Variants in UBE3A observed in about 807,000 individuals in gnomAD.
The protein encoded by UBE3A is ubiquitin-protein ligase E3A.
UBE3A carries 6 observed loss-of-function variants against 83.4 expected under a neutral mutation model. That is an observed-to-expected ratio of 0.07 (90% CI 0.04 to 0.14). The LOEUF (loss-of-function observed/expected upper bound fraction) is 0.14, where lower values mean the gene tolerates loss of function less well. Ranked by LOEUF, UBE3A falls within the 10% of genes least tolerant of loss-of-function variation. The pLI is 1.00. For synonymous variants in UBE3A, 337 were observed against 355.4 expected (o/e 0.95, Z 0.58); for missense variants, 456 against 1,036.1 (o/e 0.44, Z 7.69).
chr15:25,437,163 G>A (rs1895344624), intron 1 of UBE3A, among the ~76,000 whole-genome samples: 1 of 152,144 alleles, frequency 6.6e-6, no homozygotes, highest in South Asian at 2.1e-4. Flanking sequence ...CATTAATAAT[G>A]TATTCATTTC....
At chr15:25,436,086 A>G (rs956665368) in intron 1 of UBE3A, among the ~76,000 whole-genome samples, 3 of 152,196 alleles carry the variant, frequency 2.0e-5, no homozygotes, top group African/African-American at 7.2e-5. Flanking sequence ...GTCTAATTCC[A>G]AAGATATTAC....
chr15:25,337,823 AC>A lies in UBE3A; in HGVS notation c.*1313del, dbSNP rs779638782. The A allele has an allele frequency of 1.3e-5, 2 of 152,296 alleles. No homozygotes were observed. The allele number at this position is 152,296 out of a possible 1,614,324, so 9.4% of individuals were successfully genotyped here. A position where few individuals can be genotyped will look rare whatever the true frequency, so the allele number is the denominator to read the frequency against. The stretch of plus-strand genomic sequence containing the variant: ...TATAATGCAATAAAAGAAATTAACA[AC>A]ATCACATACACAGAAGACTAGGAAA... On this transcript the variant is annotated 3_prime_UTR_variant, in exon 13 of 13. Transcript: ENST00000648336.
Position 25,370,850 on chromosome 15 carries a change from G to A in UBE3A, c.1324C>T (p.Pro442Ser). Reference protein sequence around the residue: ...KTLDCRKPLIPFEEFINEPLN... With the variant: ...KTLDCRKPLISFEEFINEPLN... ...GGTTCATTAATAAACTCTTCAAAAGGGATAAGTGGTTTTCGACAATCCAGG... is the reference window on the plus strand; with the variant it reads ...GGTTCATTAATAAACTCTTCAAAAGAGATAAGTGGTTTTCGACAATCCAGG... The change falls in exon 6 of 13, where the codon CCT (proline) becomes TCT (serine). Residue 442 changes from proline to serine, a missense_variant. Pro to Ser is a moderately conservative substitution (Grantham distance 74). Around this residue, in one of 13 missense-constraint regions of UBE3A, gnomAD observed 85 missense variants for 137.0 expected, o/e 0.62. Coordinates refer to ENST00000648336, the MANE Select transcript of UBE3A (RefSeq NM_130839.5). This position sits in a 1 kb window ranked among gnomAD's most constrained non-coding sequence, Gnocchi z 4.2. The A allele has an allele frequency of 6.2e-7, 1 of 1,613,932 alleles. No individual in the cohort carries two copies. The highest frequency in any genetic ancestry group is 8.5e-7 in the Non-Finnish European group (1 of 1,179,966).
At position 25,404,978 on chromosome 15, in the gene UBE3A, C is replaced by G. The variant is rs113453085; in HGVS notation, c.62+483G>C. On this transcript the variant is annotated intron_variant, in intron 4 of 12. Coordinates refer to ENST00000648336, the MANE Select transcript of UBE3A (RefSeq NM_130839.5). ...GATTCCTATTGCATACCTGGGTACT[C>G]CAGTACTCCTTCATGTTACTATTGT... 5.5e-3 allele frequency among the ~76,000 whole-genome samples: 836 copies of G among 152,320 alleles called. 3 individuals are homozygous for G. Among genetic ancestry groups the G allele is most frequent in the Non-Finnish European group, 9.4e-3 (639 of 68,024 alleles).
intron 3 of UBE3A, chr15:25,407,032 C>T: frequency 7.5e-7 from 1 of 1,325,312 alleles, no homozygotes; most frequent in Non-Finnish European, 9.9e-7. Flanking sequence ...CCACCCTCTC[C>T]CCCAGGGAGC....
At chr15:25,412,012 C>A (rs1361724125) in intron 1 of UBE3A, 41 bp from the exon 2 acceptor site, 1 of 152,038 alleles carries the variant, frequency 6.6e-6, no homozygotes, top group African/African-American at 2.4e-5. Flanking sequence ...TTTACATAAA[C>A]AACTGGATGA....
chr15:25,409,587 G>T (rs1596296604), intron 2 of UBE3A, among the ~76,000 whole-genome samples: 1 of 151,440 alleles, frequency 6.6e-6, no homozygotes, highest in Non-Finnish European at 1.5e-5. Flanking sequence ...TTTGGAACTA[G>T]TGTTGAAGGA....
intron 4 of UBE3A, among the ~76,000 whole-genome samples, chr15:25,399,330 G>C (rs980469281): frequency 6.6e-6 from 1 of 152,044 alleles, no homozygotes; most frequent in Non-Finnish European, 1.5e-5. Flanking sequence ...TAGTTCTACA[G>C]TTTCAGGTCT....
intron 6 of UBE3A, among the ~76,000 whole-genome samples, chr15:25,367,307 AT>A (rs1306097519): frequency 2.8e-5 from 4 of 143,766 alleles, no homozygotes; most frequent in African/African-American, 1.1e-4. Flanking sequence ...TACATATTAA[AT>A]TAAATTACAT....
intron 4 of UBE3A, among the ~76,000 whole-genome samples, chr15:25,385,502 A>T (rs1418744520): frequency 1.3e-5 from 2 of 152,150 alleles, no homozygotes; most frequent in Non-Finnish European, 2.9e-5. Context: ...TGAAAATGTA[A>T]AATGGTGCCA....
chr15:25,424,527 TG>T (rs1890757523), intron 1 of UBE3A, among the ~76,000 whole-genome samples: 2 of 152,240 alleles, frequency 1.3e-5, no homozygotes, highest in South Asian at 4.1e-4. Flanking sequence ...AAGGACTGAG[TG>T]GGTTTTATAC....
At chr15:25,355,482 C>T (rs1043713199) in intron 9 of UBE3A, among the ~76,000 whole-genome samples, 2 of 152,096 alleles carry the variant, frequency 1.3e-5, no homozygotes, top group African/African-American at 2.4e-5. Flanking sequence ...CCAAATCTGA[C>T]GTAAAGTATA....
At chr15:25,394,949 T>C (rs2085221919) in intron 4 of UBE3A, among the ~76,000 whole-genome samples, 1 of 152,108 alleles carries the variant, frequency 6.6e-6, no homozygotes, top group Non-Finnish European at 1.5e-5. Context: ...AGAAGTCAAA[T>C]GACATTAAAT....
chr15:25,372,729 T>TC (rs1230369127), intron 5 of UBE3A, among the ~76,000 whole-genome samples: 5 of 152,106 alleles, frequency 3.3e-5, no homozygotes, highest in African/African-American at 1.2e-4. Context: ...CTGAGAATAG[T>TC]CTTAATTCTC....
chr15:25,408,716 T>C (rs1485674811), intron 3 of UBE3A: 4 of 1,532,246 alleles, frequency 2.6e-6, no homozygotes, highest in Middle Eastern at 1.7e-4. Context: ...GTTTTATTAA[T>C]GTTATAAAAA....
At chr15:25,409,013 T>G (rs1332232118) in intron 3 of UBE3A, 75 bp downstream of exon 3, 6 of 1,457,844 alleles carry the variant, frequency 4.1e-6, no homozygotes, top group Non-Finnish European at 5.6e-6. Context: ...AACTATACAT[T>G]GTCTTCATTT....
Position 25,339,105 on chromosome 15 carries a change from C to CTTTTTTTTTTTTTTTTTTT in UBE3A, c.*31_*32insAAAAAAAAAAAAAAAAAAA. Reference sequence around the variant, plus strand: ...TAAATTTTTTCTTTTTTTTTCCTTCCTTTTTTTTGTTTTATTTTGTTTTGT... The same window carrying CTTTTTTTTTTTTTTTTTTT: ...TAAATTTTTTCTTTTTTTTTCCTTCCTTTTTTTTTTTTTTTTTTTTTTTTTTTGTTTTATTTTGTTTTGT... On this transcript the variant is annotated 3_prime_UTR_variant, in exon 13 of 13. Coordinates refer to ENST00000648336, the MANE Select transcript of UBE3A (RefSeq NM_130839.5). 6.9e-7 allele frequency: 1 copy of CTTTTTTTTTTTTTTTTTTT among 1,440,480 alleles called. No individual in the cohort carries two copies. The highest frequency in any genetic ancestry group is 9.2e-7 in the Non-Finnish European group (1 of 1,088,584). 89.2% of individuals were successfully genotyped at this position (1,440,480 alleles called of 1,614,324 possible).
chr15:25,397,112 G>C (rs985385381), intron 4 of UBE3A, among the ~76,000 whole-genome samples: 2 of 152,178 alleles, frequency 1.3e-5, no homozygotes, highest in African/African-American at 4.8e-5. Flanking sequence ...CTCACTGAAA[G>C]TGCTGCCTGG....
intron 4 of UBE3A, among the ~76,000 whole-genome samples, chr15:25,405,243 G>A (rs958708342): frequency 2.0e-5 from 3 of 152,064 alleles, no homozygotes; most frequent in Non-Finnish European, 2.9e-5. Flanking sequence ...GAATTTAGGC[G>A]TGTGCATTTA....
Sources: allele counts gnomAD v4.1 joint callset (sites outside exome capture counted in the v4.1 genomes callset), GRCh38; gene constraint gnomAD v4.1.1; regional missense constraint gnomAD v4.1.1; non-coding constraint Gnocchi (gnomAD v3.1); transcripts MANE v1.5; gene names NCBI Gene and HGNC (gene_info 2026-07-23, HGNC 2026-07-21).